TBCD: variants seen among roughly 807,000 people sequenced by gnomAD.
TBCD encodes tubulin-specific chaperone D.
Under a neutral mutation model 169.3 loss-of-function variants are expected in TBCD, and 105 were observed. That is an observed-to-expected ratio of 0.62 (90% CI 0.53 to 0.73). The LOEUF is 0.73. Ranked by LOEUF, TBCD falls within the 30% of genes least tolerant of loss-of-function variation. TBCD has a pLI of 0.00. For missense variants in TBCD, 1,444 were observed against 1,600.1 expected, an observed-to-expected ratio of 0.90 and a Z score of 1.66; for synonymous variants, 700 against 643.9, an observed-to-expected ratio of 1.09 and a Z score of -1.32.
intron 23 of TBCD, among the ~76,000 whole-genome samples, chr17:82,919,589 C>T (rs181406294): frequency 1.3e-5 from 2 of 152,094 alleles, no homozygotes; most frequent in Non-Finnish European, 2.9e-5. Context: ...TGGCCGTGGA[C>T]GGTGAGGGTG....
At chr17:82,753,539 C>G (rs1025111877) in intron 1 of TBCD, among the ~76,000 whole-genome samples, 3 of 146,114 alleles carry the variant, frequency 2.1e-5, no homozygotes, top group African/African-American at 7.6e-5. Flanking sequence ...TCACTGCAAC[C>G]TCAACCTCTC....
At chr17:82,899,277 CGT>C (rs758506853) in intron 17 of TBCD, among the ~76,000 whole-genome samples, 48 of 148,608 alleles carry the variant, frequency 3.2e-4, no homozygotes, top group South Asian at 1.9e-3. Flanking sequence ...GTCCTCAGCG[CGT>C]GTGTCCTCAG....
chr17:82,926,889 C>T (rs1048181593), intron 28 of TBCD: 42 of 516,400 alleles, frequency 8.1e-5, no homozygotes, highest in African/African-American at 1.9e-5. Flanking sequence ...CACGCACGCC[C>T]CCTTCTCTCC....
chr17:82,827,616 G>A (rs1370910035), intron 13 of TBCD, among the ~76,000 whole-genome samples: 3 of 152,120 alleles, frequency 2.0e-5, no homozygotes, highest in Non-Finnish European at 4.4e-5. Context: ...GCATACACAC[G>A]TGTACATGTG....
At chr17:82,783,711 A>G (rs2049105776) in intron 7 of TBCD, among the ~76,000 whole-genome samples, 1 of 152,122 alleles carries the variant, frequency 6.6e-6, no homozygotes, top group African/African-American at 2.4e-5. Flanking sequence ...TCATAAGCCA[A>G]CGTGTGGGTA....
chr17:82,809,595 C>A, intron 11 of TBCD, 113 bp from the exon 12 acceptor site: 2 of 1,188,082 alleles, frequency 1.7e-6, no homozygotes, highest in Middle Eastern at 2.6e-4. Flanking sequence ...TTGGCCTCTT[C>A]TCTCCTGGTC....
Position 82,938,124 on chromosome 17 carries a change from C to T in TBCD, c.3357C>T (p.His1119=), listed in dbSNP as rs1451039019. 3 of 1,612,246 alleles carry T rather than the reference C, an allele frequency of 1.9e-6. No individual in the cohort carries two copies. The change falls in exon 36 of 39, where the codon CAC becomes CAT. Residue 1119 remains histidine (H), a synonymous_variant. Coordinates refer to ENST00000355528, the MANE Select transcript of TBCD (RefSeq NM_005993.5). ...TGCAGCTGTGTCTGCTCCTCTGCCACCGTTTCCCGCTGGTGAGTGCCTGCC... is the reference window on the plus strand; with the variant it reads ...TGCAGCTGTGTCTGCTCCTCTGCCATCGTTTCCCGCTGGTGAGTGCCTGCC... ...ALLQLCLLLC[H]RFPLIRKTTA... is the part of the protein sequence containing the mutation.
intron 13 of TBCD, 82 bp from the exon 14 acceptor site, chr17:82,870,142 G>A (rs1327370563): frequency 3.1e-6 from 5 of 1,587,552 alleles, no homozygotes; most frequent in Admixed American, 3.5e-5. Context: ...CCGCGCTCCG[G>A]CCCTGAGCCC....
At chr17:82,940,164 T>G (rs1372626350) in intron 37 of TBCD, among the ~76,000 whole-genome samples, 1 of 151,146 alleles carries the variant, frequency 6.6e-6, no homozygotes, top group Non-Finnish European at 1.5e-5. Context: ...GATGGTGTCT[T>G]ACACATATGG....
Position 82,868,507 on chromosome 17 carries a change from ACTTT to A in TBCD, c.1319-1714_1319-1711del, listed in dbSNP as rs1416649948. Among the ~76,000 whole-genome samples, 3 of 152,140 alleles carry A rather than the reference ACTTT, an allele frequency of 2.0e-5. No individual in the cohort carries two copies. In the East Asian group the frequency reaches 5.8e-4, roughly 29 times the overall value. ...ATTCTTGATACCACGGTATCTTTGAACTTTCTATTTTGAGGAAAGTTCATTTTTA... is the reference window on the plus strand; with the variant it reads ...ATTCTTGATACCACGGTATCTTTGAACTATTTTGAGGAAAGTTCATTTTTA... On this transcript the variant is annotated intron_variant, in intron 13 of 38. Transcript: ENST00000355528.
chr17:82,805,892 G>C lies in TBCD; in HGVS notation c.968G>C (p.Arg323Pro), dbSNP rs1168998995. The change falls in exon 10 of 39, where the codon CGA (arginine) becomes CCA (proline). Residue 323 changes from arginine (R) to proline (P), a missense_variant. By Grantham distance (103) the Arg-to-Pro change is moderately radical. Coordinates refer to ENST00000355528, the MANE Select transcript of TBCD (RefSeq NM_005993.5). Reference protein sequence around the residue: ...VAAWRYQRGCRSLAANLQLLT... With the variant: ...VAAWRYQRGCPSLAANLQLLT... ...TTGCACAGGTACCAGCGTGGCTGCC[G>C]ATCTTTGGCTGCAAATCTGCAGCTC... 1 of 1,609,292 alleles carries C rather than the reference G, an allele frequency of 6.2e-7. No homozygotes were observed. The highest frequency in any genetic ancestry group is 8.5e-7 in the Non-Finnish European group (1 of 1,176,130).
Position 82,889,651 on chromosome 17 carries a change from T to G in TBCD, c.1534-17T>G. On this transcript the variant is annotated splice_polypyrimidine_tract_variant and intron_variant, in intron 15 of 38. Coordinates refer to ENST00000355528, the MANE Select transcript of TBCD (RefSeq NM_005993.5). The surrounding 1 kb of genome is among the most constrained non-coding windows in gnomAD (Gnocchi z 5.3). ...GCTGACCTCGCTCACCTGCTGTGTTTGTTCTTTGCTCCGCAGGCCGCCTTC... is the reference window on the plus strand; with the variant it reads ...GCTGACCTCGCTCACCTGCTGTGTTGGTTCTTTGCTCCGCAGGCCGCCTTC... 2 of 1,613,962 alleles carry G rather than the reference T, an allele frequency of 1.2e-6. No individual in the cohort carries two copies. Among genetic ancestry groups the G allele is most frequent in the Non-Finnish European group, 1.7e-6 (2 of 1,179,854 alleles).
At chr17:82,777,091 G>A (rs2048647234) in intron 6 of TBCD, among the ~76,000 whole-genome samples, 1 of 152,118 alleles carries the variant, frequency 6.6e-6, no homozygotes, top group South Asian at 2.1e-4. Context: ...TAATTTTAAT[G>A]TCAAACCGTT....
chr17:82,893,186 G>T (rs1455156682), intron 16 of TBCD: 1 of 265,012 alleles, frequency 3.8e-6, no homozygotes, highest in Non-Finnish European at 7.3e-6. Flanking sequence ...ATGGGGCTCA[G>T]GCCGATGGAG....
chr17:82,841,337 AGACAGGGTCTTGCCCT>A (rs2054510020), intron 13 of TBCD, among the ~76,000 whole-genome samples: 1 of 148,622 alleles, frequency 6.7e-6, no homozygotes. Context: ...TTTTCTTTTG[AGACAGGGTCTTGCCCT>A]GTCACCCAAG....
At chr17:82,921,676 C>T (rs1449021615) in intron 25 of TBCD, 99 bp downstream of exon 25, 7 of 1,084,672 alleles carry the variant, frequency 6.5e-6, no homozygotes, top group Non-Finnish European at 9.9e-6. Context: ...ATGAGGCTGT[C>T]CCTGCAGTAG....
intron 13 of TBCD, among the ~76,000 whole-genome samples, chr17:82,853,513 T>C (rs8068980): frequency 0.99 from 151,193 of 152,146 alleles, 75,130 homozygotes; most frequent in Non-Finnish European, 1. Flanking sequence ...ATCCATCCCC[T>C]GACCTCAGCC....
intron 7 of TBCD, among the ~76,000 whole-genome samples, chr17:82,787,122 G>A (rs1313567300): frequency 6.6e-6 from 1 of 152,160 alleles, no homozygotes. Flanking sequence ...GGTGTAAAAC[G>A]GTCTTCTCAA....
intron 13 of TBCD, among the ~76,000 whole-genome samples, chr17:82,834,563 G>A (rs1455966557): frequency 2.0e-5 from 3 of 152,108 alleles, no homozygotes; most frequent in East Asian, 3.9e-4. Context: ...CATGTCCTTC[G>A]CAGGGAGAAA....
Sources: allele counts gnomAD v4.1 joint callset (sites outside exome capture counted in the v4.1 genomes callset), GRCh38; gene constraint gnomAD v4.1.1; non-coding constraint Gnocchi (gnomAD v3.1); transcripts MANE v1.5; gene names NCBI Gene and HGNC (gene_info 2026-07-23, HGNC 2026-07-21).